OR10J1: variants seen among roughly 807,000 people sequenced by gnomAD.
OR10J1 encodes the protein olfactory receptor 10J1.
For synonymous variants in OR10J1, 202 were observed against 143.8 expected (o/e 1.40, Z -2.89); for missense variants, 474 against 376.6 (o/e 1.26, Z -2.14).
chr1:159,420,449 T>C, the OR10J1 span, among the ~76,000 whole-genome samples: 1 of 152,188 alleles, frequency 6.6e-6, no homozygotes. Context: ...AATTTTGTAG[T>C]GGTAACATTT....
chr1:159,412,059 C>T, the OR10J1 span, among the ~76,000 whole-genome samples: 5 of 151,938 alleles, frequency 3.3e-5, no homozygotes, highest in African/African-American at 1.2e-4. Context: ...AAACAGAGAG[C>T]TAAATCATGA....
chr1:159,422,256 A>G, the OR10J1 span, among the ~76,000 whole-genome samples: 1 of 151,946 alleles, frequency 6.6e-6, no homozygotes, highest in Admixed American at 6.5e-5. Flanking sequence ...TTGTAGGGAG[A>G]GACAGGGTGA....
At chr1:159,409,521 C>T in the OR10J1 span, among the ~76,000 whole-genome samples, 4 of 152,170 alleles carry the variant, frequency 2.6e-5, no homozygotes, top group African/African-American at 7.2e-5. Context: ...CTGCCTCTTC[C>T]AACCAGCTGC....
At chr1:159,416,449 C>CT in the OR10J1 span, among the ~76,000 whole-genome samples, 4,580 of 139,284 alleles carry the variant, frequency 0.033, 102 homozygotes, top group Middle Eastern at 0.076. Context: ...TGTTTTTGTC[C>CT]TTTTTTTTTT....
chr1:159,422,675 T>C, the OR10J1 span, among the ~76,000 whole-genome samples: 3 of 152,168 alleles, frequency 2.0e-5, no homozygotes, highest in African/African-American at 7.2e-5. Flanking sequence ...TGCACAAGAC[T>C]CTGGGGGTTG....
chr1:159,435,951 T>A (rs926857425), upstream of OR10J1, among the ~76,000 whole-genome samples: 1 of 152,176 alleles, frequency 6.6e-6, no homozygotes, highest in South Asian at 2.1e-4. Flanking sequence ...TTTCTGTACA[T>A]CCCTAATCTG....
the OR10J1 span, among the ~76,000 whole-genome samples, chr1:159,402,108 G>A: frequency 1.3e-5 from 2 of 151,946 alleles, no homozygotes; most frequent in South Asian, 2.1e-4. Flanking sequence ...TGAAATACAA[G>A]CCATATATGA....
chr1:159,440,489 G>A lies in OR10J1; in HGVS notation c.698G>A (p.Arg233Gln), dbSNP rs368823977. Residue 233 changes from arginine to glutamine, a missense_variant, in exon 1 of 1, where the codon CGG (arginine) becomes CAG (glutamine). Coordinates refer to ENST00000423932, the MANE Select transcript of OR10J1 (RefSeq NM_012351.3). Reference protein sequence around the residue: ...TILKIASVEGRKKAFATCASH... With the variant: ...TILKIASVEGQKKAFATCASH... ...CTCAAGATTGCTTCAGTTGAGGGCC[G>A]GAAGAAGGCTTTTGCCACCTGTGCA... 45 of 1,613,922 alleles carry A rather than the reference G, an allele frequency of 2.8e-5. 1 individual carries two copies. The highest frequency in any genetic ancestry group is 6.6e-5 in the South Asian group (6 of 91,064).
the OR10J1 span, chr1:159,432,617 CA>C: frequency 4.3e-6 from 2 of 463,558 alleles, no homozygotes. Context: ...TCATCATGGG[CA>C]AAAAGGCTTG....
At chr1:159,424,581 C>A in the OR10J1 span, among the ~76,000 whole-genome samples, 1 of 151,120 alleles carries the variant, frequency 6.6e-6, no homozygotes. Flanking sequence ...TGAGTGTGTC[C>A]GTGAAATAAA....
the OR10J1 span, among the ~76,000 whole-genome samples, chr1:159,427,304 A>G: frequency 6.6e-6 from 1 of 151,724 alleles, no homozygotes; most frequent in Non-Finnish European, 1.5e-5. Flanking sequence ...AAAACAAATA[A>G]TTATGATGAA....
At chr1:159,437,253 G>T (rs945882462), upstream of OR10J1, among the ~76,000 whole-genome samples, 2 of 152,174 alleles carry the variant, frequency 1.3e-5, no homozygotes, top group African/African-American at 2.4e-5. Context: ...TAAAGATGGT[G>T]TGCTTCCAAT....
the OR10J1 span, chr1:159,405,636 T>TA: frequency 2.2e-6 from 1 of 444,740 alleles, no homozygotes. Flanking sequence ...TGATGACCAC[T>TA]ATGAGATGGG....
chr1:159,429,563 G>A, the OR10J1 span, among the ~76,000 whole-genome samples: 10 of 152,168 alleles, frequency 6.6e-5, no homozygotes, highest in Non-Finnish European at 8.8e-5. Context: ...CAAGATTGTC[G>A]AAGTACTAGT....
the OR10J1 span, chr1:159,432,675 A>G: frequency 2.6e-5 from 11 of 418,358 alleles, no homozygotes; most frequent in Non-Finnish European, 4.7e-5. Context: ...GAGCACAGCT[A>G]TCATTCAGGT....
the OR10J1 span, among the ~76,000 whole-genome samples, chr1:159,403,782 G>C: frequency 6.6e-6 from 1 of 152,108 alleles, no homozygotes; most frequent in African/African-American, 2.4e-5. Context: ...ACAAAAGAAA[G>C]GAAATCAGTA....
At chr1:159,402,619 A>C in the OR10J1 span, among the ~76,000 whole-genome samples, 1 of 152,038 alleles carries the variant, frequency 6.6e-6, no homozygotes, top group Non-Finnish European at 1.5e-5. Context: ...AGAGGACACC[A>C]AAAAAAGGAA....
chr1:159,429,799 T>C, the OR10J1 span, among the ~76,000 whole-genome samples: 2 of 152,088 alleles, frequency 1.3e-5, no homozygotes, highest in Non-Finnish European at 2.9e-5. Context: ...TGTATGTTTG[T>C]TACTCCCAGA....
chr1:159,424,597 G>T, the OR10J1 span, among the ~76,000 whole-genome samples: 1 of 151,650 alleles, frequency 6.6e-6, no homozygotes, highest in Non-Finnish European at 1.5e-5. Context: ...ATAAAAACAG[G>T]CTTCTACAAA....
Sources: gnomAD v4.1 joint callset for allele counts (sites outside exome capture counted in the v4.1 genomes callset) on GRCh38, gnomAD v4.1.1 for gene constraint, MANE v1.5 for transcripts, NCBI Gene and HGNC (gene_info 2026-07-23, HGNC 2026-07-21) for gene names.